The following PCDHGA4 variants were observed in gnomAD, a reference collection of about 807,000 sequenced individuals.
The protein encoded by PCDHGA4 is protocadherin gamma subfamily A, 4.
A neutral mutation model predicts 54.6 loss-of-function variants in PCDHGA4; 38 were observed. The ratio of observed to expected loss-of-function variants is 0.70; its 90% CI spans 0.54 to 0.91. The LOEUF is 0.91. Ranked by LOEUF, PCDHGA4 falls within the 40% of genes least tolerant of loss-of-function variation. The pLI, the probability that PCDHGA4 is intolerant of heterozygous loss-of-function variation, is 0.00. For missense variants in PCDHGA4, 1,298 were observed against 1,220.9 expected (o/e 1.06, Z -0.94); for synonymous variants, 511 against 512.9 (o/e 1.00, Z 0.05).
chr5:141,366,425 G>A, intron 1 of PCDHGA4: 1 of 1,614,148 alleles, frequency 6.2e-7, no homozygotes, highest in South Asian at 1.1e-5. Context: ...GGCAGTGGCT[G>A]CAGTCTCCTG....
intron 1 of PCDHGA4, chr5:141,360,281 A>G (rs1285317492): frequency 6.2e-7 from 1 of 1,613,728 alleles, no homozygotes; most frequent in Non-Finnish European, 8.5e-7. Context: ...GTCGTAGGAA[A>G]CCTCGCCAAG....
Position 141,392,778 on chromosome 5 carries a change from G to A in PCDHGA4, c.2514+35157G>A, listed in dbSNP as rs375878103. ...ACTAAATAAGACCCATTTATGCACA[G>A]TGAAGATTCTGAGAGGATTCTGCAG... On this transcript the variant is annotated intron_variant, in intron 1 of 3. Coordinates refer to ENST00000571252, the MANE Select transcript of PCDHGA4 (RefSeq NM_018917.4). 5 of 1,533,872 alleles carry A rather than the reference G, an allele frequency of 3.3e-6. No homozygotes were observed. The African/African-American group carries it at 6.9e-5, about 21-fold the overall frequency.
intron 1 of PCDHGA4, chr5:141,390,010 T>C: frequency 6.2e-7 from 1 of 1,614,044 alleles, no homozygotes; most frequent in East Asian, 2.2e-5. Context: ...ATTCTGGCCA[T>C]TGCCTTGCGC....
At chr5:141,366,150 G>C in intron 1 of PCDHGA4, 2 of 1,614,136 alleles carry the variant, frequency 1.2e-6, no homozygotes, top group Non-Finnish European at 1.7e-6. Context: ...CTGTCCTACC[G>C]CCTGCTTAAG....
chr5:141,375,156 A>C (rs565020201), intron 1 of PCDHGA4: 2 of 1,613,972 alleles, frequency 1.2e-6, no homozygotes, highest in Non-Finnish European at 1.7e-6. Flanking sequence ...ACAATTGCTG[A>C]AAGTGCACCT....
At chr5:141,418,147 C>A (rs781655205) in intron 1 of PCDHGA4, 3 of 1,614,040 alleles carry the variant, frequency 1.9e-6, no homozygotes, top group Non-Finnish European at 2.5e-6. Flanking sequence ...AGCAAATATG[C>A]AAAGAGAGAA....
intron 1 of PCDHGA4, chr5:141,428,860 CT>C (rs34152666): frequency 0.3 from 42,955 of 145,250 alleles, 7,185 homozygotes; most frequent in African/African-American, 0.5. Flanking sequence ...TTACGGGAGA[CT>C]TTTTTTTTTT....
At chr5:141,394,868 C>T in intron 1 of PCDHGA4, 1 of 1,613,828 alleles carries the variant, frequency 6.2e-7, no homozygotes, top group Non-Finnish European at 8.5e-7. Flanking sequence ...TCGACCCGAA[C>T]GATTCGAGCC....
Position 141,485,057 on chromosome 5 carries a change from C to T in PCDHGA4, c.2515-9750C>T. 1 of 843,720 alleles carries T rather than the reference C, an allele frequency of 1.2e-6. No individual in the cohort carries two copies. The highest frequency in any genetic ancestry group is 1.9e-6 in the Non-Finnish European group (1 of 524,586). 52.3% of individuals were successfully genotyped at this position (843,720 alleles called of 1,614,324 possible). On this transcript the variant is annotated intron_variant, in intron 1 of 3. Transcript: ENST00000571252. This position sits in a 1 kb window ranked among gnomAD's most constrained non-coding sequence, Gnocchi z 5.7. The stretch of plus-strand genomic sequence containing the variant: ...GTAACCCTTGCGGCGCCGGCCGAAC[C>T]GCGCCAGAGCTGGCGCGGGGAAAGG...
intron 1 of PCDHGA4, chr5:141,385,071 G>T (rs1325191501): frequency 6.2e-7 from 1 of 1,614,088 alleles, no homozygotes; most frequent in Non-Finnish European, 8.5e-7. Flanking sequence ...AGTCACGCCT[G>T]CTGCAGGCTT....
chr5:141,361,611 A>T, intron 1 of PCDHGA4: 2 of 1,613,948 alleles, frequency 1.2e-6, no homozygotes, highest in Non-Finnish European at 1.7e-6. Context: ...ACTCCATCGT[A>T]GCGAGCGACC....
chr5:141,409,990 C>A (rs377295503), intron 1 of PCDHGA4: 26 of 1,613,278 alleles, frequency 1.6e-5, no homozygotes, highest in Non-Finnish European at 2.2e-5. Flanking sequence ...CGGTGGACGC[C>A]GACTCGGGAC....
At chr5:141,433,034 C>T in intron 1 of PCDHGA4, 1 of 1,614,184 alleles carries the variant, frequency 6.2e-7, no homozygotes. Flanking sequence ...CGAGGTTTCC[C>T]TCACCACGGA....
rs759160174 is a variant in PCDHGA4, at chr5:141,385,062, G to T, written c.2514+27441G>T. 2.1e-5 allele frequency: 34 copies of T among 1,614,044 alleles called. No homozygotes were observed. In the South Asian group the frequency reaches 3.4e-4, roughly 16 times the overall value. On this transcript the variant is annotated intron_variant, in intron 1 of 3. Transcript: ENST00000571252. ...CGCTCAGGCTGCGGCGCTGGCACAA[G>T]TCACGCCTGCTGCAGGCTTCAGAAG... is the stretch of plus-strand genomic sequence containing the variant.
chr5:141,361,722 G>T lies in PCDHGA4; in HGVS notation c.2514+4101G>T, dbSNP rs1055343952. 6 of 1,613,196 alleles carry T rather than the reference G, an allele frequency of 3.7e-6. No homozygotes were observed. Among genetic ancestry groups the T allele is most frequent in the Non-Finnish European group, 4.2e-6 (5 of 1,179,854 alleles). On this transcript the variant is annotated intron_variant, in intron 1 of 3. Coordinates refer to ENST00000571252, the MANE Select transcript of PCDHGA4 (RefSeq NM_018917.4). ...ATCATGAGCAGCTGCGCGCCTTCGA[G>T]CTCACACTGCAGGCCCGCGACCAGG...
chr5:141,507,554 A>C (rs1384910590), intron 3 of PCDHGA4, among the ~76,000 whole-genome samples: 2 of 152,258 alleles, frequency 1.3e-5, no homozygotes, highest in African/African-American at 4.8e-5. Context: ...TGAAAGTGGC[A>C]GGCGGCTGGG....
chr5:141,414,900 T>C (rs1402776790), intron 1 of PCDHGA4: 5 of 1,614,170 alleles, frequency 3.1e-6, no homozygotes, highest in Middle Eastern at 1.6e-4. Flanking sequence ...CCACAGACGG[T>C]TCCACAGGCG....
chr5:141,487,671 G>A lies in PCDHGA4; in HGVS notation c.2515-7136G>A. The A allele has an allele frequency of 6.2e-7, 1 of 1,612,012 alleles. No homozygotes were observed. The highest frequency in any genetic ancestry group is 8.5e-7 in the Non-Finnish European group (1 of 1,178,932). ...GAGGGTTATTCTGATCCAGGCATAT[G>A]GCTAGGCCATGTCCTAGAGAGTACT... On this transcript the variant is annotated intron_variant, in intron 1 of 3. Transcript: ENST00000571252. This position sits in a 1 kb window ranked among gnomAD's most constrained non-coding sequence, Gnocchi z 5.0.
In PCDHGA4 at chr5:141,356,290, A is replaced by G. The variant is rs367807303; in HGVS notation, c.1183A>G (p.Thr395Ala). 8 of 1,555,814 alleles carry G rather than the reference A, an allele frequency of 5.1e-6. No individual in the cohort carries two copies. The highest frequency in any genetic ancestry group is 6.1e-6 in the Non-Finnish European group (7 of 1,149,116). The change falls in exon 1 of 4, where the codon ACA (threonine) becomes GCA (alanine). Residue 395 changes from threonine (T) to alanine (A), a missense_variant. By Grantham distance (58) the Thr-to-Ala change is moderately conservative. Coordinates refer to ENST00000571252, the MANE Select transcript of PCDHGA4 (RefSeq NM_018917.4). Reference sequence around the variant, plus strand: ...AGTCCAGGAATCTTCTTCCCCGGGTACAGTAATTGCACTTTTCAACGTGCA... The same window carrying G: ...AGTCCAGGAATCTTCTTCCCCGGGTGCAGTAATTGCACTTTTCAACGTGCA... ...SSVQESSSPGTVIALFNVHDS... is the reference protein window; with the variant it reads ...SSVQESSSPGAVIALFNVHDS...
Sources: gnomAD v4.1 joint callset for allele counts (sites outside exome capture counted in the v4.1 genomes callset) on GRCh38, gnomAD v4.1.1 for gene constraint, Gnocchi (gnomAD v3.1) non-coding constraint, MANE v1.5 for transcripts, NCBI Gene and HGNC (gene_info 2026-07-23, HGNC 2026-07-21) for gene names.